Variants in FYB1 observed in about 807,000 individuals in gnomAD.
FYB1 encodes FYN-binding protein 1.
A neutral mutation model predicts 94.1 loss-of-function variants in FYB1; 41 were observed. The observed-to-expected ratio is 0.44, with a 90% CI of 0.34 to 0.57. The LOEUF (loss-of-function observed/expected upper bound fraction) is 0.57, where lower values mean the gene tolerates loss of function less well. Among genes scored for constraint, FYB1 ranks in the 20% least tolerant of loss-of-function variants. The probability of loss-of-function intolerance (pLI) is 0.02; values close to 1 mark genes in which losing one functional copy is unlikely to be tolerated. For missense variants in FYB1, 1,050 were observed against 976.8 expected, an observed-to-expected ratio of 1.07 and a Z score of -1.00; for synonymous variants, 367 against 353.2, an observed-to-expected ratio of 1.04 and a Z score of -0.44.
At chr5:39,190,037 T>C (rs2150455977) in intron 2 of FYB1, among the ~76,000 whole-genome samples, 1 of 152,332 alleles carries the variant, frequency 6.6e-6, no homozygotes, top group East Asian at 1.9e-4. Flanking sequence ...CAGGATGATG[T>C]TTGGAACTAA....
chr5:39,202,046 G>A lies in FYB1; in HGVS notation c.915C>T (p.Ala305=), dbSNP rs1437021854. Residue 305 remains alanine, a synonymous_variant, in exon 2 of 19, where the codon GCC becomes GCT. Transcript: ENST00000512982. The stretch of plus-strand genomic sequence containing the variant: ...GGAACCTGGCAGGAGGAGTCCCTGA[G>A]GCCAACTCTTCCTGATTTATTTTGC... ...FQSKINQEEL[A]SGTPPARFPK... 1 of 1,614,030 alleles carries A rather than the reference G, an allele frequency of 6.2e-7. No homozygotes were observed. The highest frequency in any genetic ancestry group is 8.5e-7 in the Non-Finnish European group (1 of 1,179,894).
At chr5:39,214,861 G>A (rs555091544) in intron 1 of FYB1, among the ~76,000 whole-genome samples, 4 of 152,256 alleles carry the variant, frequency 2.6e-5, no homozygotes, top group African/African-American at 4.8e-5. Context: ...CCTGGGAGGC[G>A]GAGGTTGCAG....
chr5:39,197,479 A>G (rs2150481136), intron 2 of FYB1, among the ~76,000 whole-genome samples: 1 of 152,334 alleles, frequency 6.6e-6, no homozygotes, highest in Non-Finnish European at 1.5e-5. Context: ...GGTCTGTAGC[A>G]GCACACTAAG....
chr5:39,150,896 A>G (rs946456781), intron 3 of FYB1, among the ~76,000 whole-genome samples: 3 of 152,182 alleles, frequency 2.0e-5, no homozygotes, highest in African/African-American at 4.8e-5. Flanking sequence ...ATTTTTATAA[A>G]GCACAAGTCA....
chr5:39,154,653 C>A (rs989656739), intron 2 of FYB1, among the ~76,000 whole-genome samples: 5 of 151,970 alleles, frequency 3.3e-5, no homozygotes, highest in African/African-American at 1.2e-4. Context: ...ATTATAGGTG[C>A]CTGCCACCAT....
chr5:39,145,701 G>A (rs1407154962), intron 3 of FYB1, among the ~76,000 whole-genome samples: 1 of 151,978 alleles, frequency 6.6e-6, no homozygotes, highest in African/African-American at 2.4e-5. Context: ...TGGCATACAA[G>A]GTTCTTATGA....
At chr5:39,258,589 G>A (rs747022408) in intron 1 of FYB1, among the ~76,000 whole-genome samples, 3 of 152,004 alleles carry the variant, frequency 2.0e-5, no homozygotes, top group Non-Finnish European at 4.4e-5. Context: ...GACAGAGCAA[G>A]ACCCTGTGTC....
At chr5:39,219,385 T>A (rs1285682219) in intron 1 of FYB1, 58 bp downstream of exon 1, 1 of 970,466 alleles carries the variant, frequency 1.0e-6, no homozygotes, top group Non-Finnish European at 1.2e-6. Context: ...GGTGCTTTTT[T>A]CCTGCTATAA....
intron 2 of FYB1, among the ~76,000 whole-genome samples, chr5:39,155,889 G>A (rs1743703884): frequency 6.6e-6 from 1 of 152,088 alleles, no homozygotes; most frequent in Admixed American, 6.6e-5. Flanking sequence ...ACATTAAAAA[G>A]TCTAGTGAAT....
intron 1 of FYB1, among the ~76,000 whole-genome samples, chr5:39,272,404 C>T (rs146533109): frequency 3.9e-5 from 6 of 152,084 alleles, no homozygotes; most frequent in African/African-American, 1.4e-4. Flanking sequence ...GTGGCTCATG[C>T]CTGTAATCCC....
At chr5:39,187,903 A>C (rs1746990341) in intron 2 of FYB1, among the ~76,000 whole-genome samples, 1 of 152,136 alleles carries the variant, frequency 6.6e-6, no homozygotes, top group African/African-American at 2.4e-5. Flanking sequence ...TGTGGAACAA[A>C]CCTCAAGCCA....
At chr5:39,124,716 A>G (rs1459727059) in intron 12 of FYB1, among the ~76,000 whole-genome samples, 1 of 152,174 alleles carries the variant, frequency 6.6e-6, no homozygotes, top group Non-Finnish European at 1.5e-5. Context: ...AATAGAGGTC[A>G]CAGGAATATG....
At chr5:39,161,771 C>A (rs1744267419) in intron 2 of FYB1, among the ~76,000 whole-genome samples, 1 of 152,062 alleles carries the variant, frequency 6.6e-6, no homozygotes, top group Non-Finnish European at 1.5e-5. Flanking sequence ...GTTGTGCAAC[C>A]AGTACTATAA....
intron 14 of FYB1, among the ~76,000 whole-genome samples, chr5:39,119,899 G>C (rs145804893): frequency 6.6e-6 from 1 of 152,046 alleles, no homozygotes. Flanking sequence ...AAATCACTGA[G>C]TCATGGTTTA....
chr5:39,166,703 C>G (rs1254281128), intron 2 of FYB1, among the ~76,000 whole-genome samples: 1 of 151,626 alleles, frequency 6.6e-6, no homozygotes, highest in East Asian at 1.9e-4. Flanking sequence ...AATTGAGAAA[C>G]AGAAAGTCAA....
intron 7 of FYB1, among the ~76,000 whole-genome samples, chr5:39,135,689 C>T (rs1450561743): frequency 6.6e-6 from 1 of 152,052 alleles, no homozygotes; most frequent in African/African-American, 2.4e-5. Context: ...GAAGCTCTAC[C>T]TTTAATTTAT....
intron 2 of FYB1, 106 bp from the exon 3 acceptor site, chr5:39,153,710 A>G: frequency 1.1e-6 from 1 of 924,416 alleles, no homozygotes; most frequent in Non-Finnish European, 1.6e-6. Flanking sequence ...GGCAAAAATT[A>G]ACAACTGGCT....
rs772944231 is a variant in FYB1 at position 39,118,983 on chromosome 5, A to G, written c.2292T>C (p.Thr764=). 1.3e-6 allele frequency: 2 copies of G among 1,550,730 alleles called. No individual in the cohort carries two copies. The highest frequency in any genetic ancestry group is 2.4e-5 in the South Asian group (2 of 83,118). The change falls in exon 16 of 19, where the codon ACT becomes ACC. Residue 764 remains threonine (T), a synonymous_variant. Transcript: ENST00000512982. ...LYSTKVTTSI[T]SKKWGTRDLQ... ...GATCTCTGGTTCCCCACTTTTTAGA[A>G]GTTATGGAAGTTGTAACTTTAGTTG...
At chr5:39,147,382 C>T (rs1742752402) in intron 3 of FYB1, among the ~76,000 whole-genome samples, 1 of 151,378 alleles carries the variant, frequency 6.6e-6, no homozygotes, top group Non-Finnish European at 1.5e-5. Flanking sequence ...GATCCTCCTA[C>T]CACAGCCTCC....
Sources: gnomAD v4.1 joint callset for allele counts (sites outside exome capture counted in the v4.1 genomes callset) on GRCh38, gnomAD v4.1.1 for gene constraint, MANE v1.5 for transcripts, NCBI Gene and HGNC (gene_info 2026-07-23, HGNC 2026-07-21) for gene names.